FGD5: variants seen among roughly 807,000 people sequenced by gnomAD.
The protein encoded by FGD5 is FYVE, RhoGEF and PH domain-containing protein 5.
FGD5 carries 28 observed loss-of-function variants against 133.4 expected under a neutral mutation model. The observed-to-expected ratio is 0.21, with a 90% confidence interval of 0.16 to 0.29. The LOEUF is 0.29. Ranked by LOEUF, FGD5 falls within the 10% of genes least tolerant of loss-of-function variation. The pLI, the probability that FGD5 is intolerant of heterozygous loss-of-function variation, is 1.00. For missense variants in FGD5, 1,858 were observed against 1,895.2 expected, an observed-to-expected ratio of 0.98 and a Z score of 0.36; for synonymous variants, 810 against 776.5, an observed-to-expected ratio of 1.04 and a Z score of -0.72.
intron 19 of FGD5, 104 bp from the exon 20 acceptor site, chr3:14,933,027 C>A: frequency 2.2e-6 from 3 of 1,350,254 alleles, no homozygotes; most frequent in Non-Finnish European, 3.1e-6. Context: ...TGGTCCTTGA[C>A]TTCAAACTAA....
At chr3:14,843,380 A>T (rs946751411) in intron 1 of FGD5, among the ~76,000 whole-genome samples, 1 of 152,148 alleles carries the variant, frequency 6.6e-6, no homozygotes, top group African/African-American at 2.4e-5. Context: ...GCTGTGTCAG[A>T]TGCCCTTGCT....
At chr3:14,844,217 A>ATAT (rs1250952913) in intron 1 of FGD5, among the ~76,000 whole-genome samples, 5 of 20,346 alleles carry the variant, frequency 2.5e-4, no homozygotes, top group African/African-American at 6.2e-4. Context: ...AAAAAAAAAA[A>ATAT]ATATATATAT....
intron 2 of FGD5, among the ~76,000 whole-genome samples, chr3:14,874,028 A>G (rs2037667558): frequency 6.6e-6 from 1 of 152,124 alleles, no homozygotes; most frequent in African/African-American, 2.4e-5. Flanking sequence ...AGCCAGACCT[A>G]CACTCTTAAT....
chr3:14,846,647 T>C (rs1371733779), intron 1 of FGD5, among the ~76,000 whole-genome samples: 1 of 152,210 alleles, frequency 6.6e-6, no homozygotes, highest in Non-Finnish European at 1.5e-5. Flanking sequence ...GTCCAGGTCC[T>C]CTTGGTTCAT....
upstream of FGD5, among the ~76,000 whole-genome samples, chr3:14,815,812 T>A (rs1400765256): frequency 6.6e-6 from 1 of 152,152 alleles, no homozygotes; most frequent in African/African-American, 2.4e-5. Flanking sequence ...GAGGGTCAGG[T>A]GACAACACTA....
intron 1 of FGD5, among the ~76,000 whole-genome samples, chr3:14,851,748 C>T (rs1575208027): frequency 6.6e-6 from 1 of 152,158 alleles, no homozygotes; most frequent in Non-Finnish European, 1.5e-5. Flanking sequence ...TTCTGAGCCT[C>T]ACTTGATTAT....
Position 14,854,424 on chromosome 3 carries a change from T to TTG in FGD5, c.2526-9704_2526-9703insTG, listed in dbSNP as rs1553625424. ...TTATTTATTTATTTATTTATTTATT[T>TTG]ATTTATTTATTGAGACGAGCTCACT... On this transcript the variant is annotated intron_variant, in intron 1 of 19. Transcript: ENST00000285046. Among the ~76,000 whole-genome samples, 846 of 104,192 alleles carry TTG rather than the reference T, an allele frequency of 8.1e-3. 5 individuals carry two copies. The highest frequency in any genetic ancestry group is 0.019 in the South Asian group (55 of 2,822). 68.4% of individuals were successfully genotyped at this position (104,192 alleles called of 152,430 possible).
intron 4 of FGD5, among the ~76,000 whole-genome samples, chr3:14,888,081 G>A (rs1016807877): frequency 6.6e-6 from 1 of 150,816 alleles, no homozygotes; most frequent in South Asian, 2.1e-4. Context: ...GAGGTGGGAG[G>A]ATCACTTGAG....
intron 2 of FGD5, among the ~76,000 whole-genome samples, chr3:14,877,003 C>T (rs977180729): frequency 1.3e-5 from 2 of 152,224 alleles, no homozygotes; most frequent in East Asian, 3.8e-4. Context: ...TGGGGACAGC[C>T]TCAGGCAGGG....
At chr3:14,860,833 C>G (rs1559483561) in intron 1 of FGD5, among the ~76,000 whole-genome samples, 1 of 151,310 alleles carries the variant, frequency 6.6e-6, no homozygotes, top group Non-Finnish European at 1.5e-5. Context: ...TAAAAATTAG[C>G]TGAACATGGT....
At chr3:14,923,745 A>G (rs1404649407) in intron 16 of FGD5, among the ~76,000 whole-genome samples, 4 of 152,210 alleles carry the variant, frequency 2.6e-5, no homozygotes, top group Admixed American at 1.3e-4. Flanking sequence ...GACTAAGGTC[A>G]TCAGAGAAGA....
At chr3:14,904,581 G>T (rs1297703757) in intron 9 of FGD5, among the ~76,000 whole-genome samples, 1 of 151,966 alleles carries the variant, frequency 6.6e-6, no homozygotes, top group Non-Finnish European at 1.5e-5. Flanking sequence ...CACTCACCTT[G>T]TGTATTTCCT....
chr3:14,850,981 G>C (rs1276818219), intron 1 of FGD5, among the ~76,000 whole-genome samples: 1 of 152,188 alleles, frequency 6.6e-6, no homozygotes, highest in Non-Finnish European at 1.5e-5. Flanking sequence ...AAATTCCTCA[G>C]CTTTGGACAT....
In FGD5 at chr3:14,819,650, C is replaced by T; in HGVS notation, c.579C>T (p.Asp193=). 2.6e-6 allele frequency: 4 copies of T among 1,549,002 alleles called. No individual in the cohort carries two copies. The highest frequency in any genetic ancestry group is 3.5e-6 in the Non-Finnish European group (4 of 1,145,730). Residue 193 remains aspartate (D), a synonymous_variant, in exon 1 of 20, where the codon GAC becomes GAT. Transcript: ENST00000285046. This position sits in a 1 kb window ranked among gnomAD's most constrained non-coding sequence, Gnocchi z 4.1. ...CTGGAGAGGGGGTCTTCCAGAGCGA[C>T]CTCCTCCTGCCTCACATCCATGGAG... ...PWAGEGVFQS[D]LLLPHIHGED... is the part of the protein sequence containing the mutation.
At chr3:14,877,371 C>T (rs559344871) in intron 2 of FGD5, among the ~76,000 whole-genome samples, 3 of 152,316 alleles carry the variant, frequency 2.0e-5, no homozygotes, top group South Asian at 2.1e-4. Flanking sequence ...CTGGGTGGGA[C>T]GTGCAGAGGG....
intron 1 of FGD5, among the ~76,000 whole-genome samples, chr3:14,847,722 G>C (rs1262249107): frequency 1.3e-5 from 2 of 152,220 alleles, no homozygotes; most frequent in East Asian, 3.8e-4. Context: ...TGGAAATCTA[G>C]GCAGGCTGGC....
At chr3:14,824,218 C>A (rs559228954) in intron 1 of FGD5, among the ~76,000 whole-genome samples, 2 of 152,356 alleles carry the variant, frequency 1.3e-5, no homozygotes, top group South Asian at 4.1e-4. Context: ...GGAGAAAAAT[C>A]CCCACTTTGG....
At chr3:14,872,030 A>T (rs919291800) in intron 2 of FGD5, among the ~76,000 whole-genome samples, 1 of 152,136 alleles carries the variant, frequency 6.6e-6, no homozygotes, top group African/African-American at 2.4e-5. Context: ...TGTTGACAAG[A>T]TCCTCAGTGA....
chr3:14,912,929 A>G (rs1413361369), intron 11 of FGD5, among the ~76,000 whole-genome samples: 1 of 152,078 alleles, frequency 6.6e-6, no homozygotes, highest in African/African-American at 2.4e-5. Flanking sequence ...CTAGCTACTC[A>G]GGAGGCAGAG....
Sources: allele counts gnomAD v4.1 joint callset (sites outside exome capture counted in the v4.1 genomes callset), GRCh38; gene constraint gnomAD v4.1.1; non-coding constraint Gnocchi (gnomAD v3.1); transcripts MANE v1.5; gene names NCBI Gene and HGNC (gene_info 2026-07-23, HGNC 2026-07-21).